WHRN: variants seen among roughly 807,000 people sequenced by gnomAD.
The protein encoded by WHRN is CASK-interacting protein CIP98.
A neutral mutation model predicts 68.3 loss-of-function variants in WHRN; 41 were observed. The observed-to-expected ratio is 0.60, with a 90% CI of 0.47 to 0.78. The LOEUF (loss-of-function observed/expected upper bound fraction) is 0.78. WHRN is among the 30% of genes least tolerant of loss of function. The probability of loss-of-function intolerance (pLI) is 0.00; values close to 1 mark genes in which losing one functional copy is unlikely to be tolerated. For synonymous variants in WHRN, 560 were observed against 561.3 expected (o/e 1.00, Z 0.03); for missense variants, 1,243 against 1,244.7 (o/e 1.00, Z 0.02).
rs1834862924 is a variant in WHRN, at chr9:114,404,106, A to G, written c.2237-29T>C. 3.7e-6 allele frequency: 6 copies of G among 1,605,978 alleles called. No homozygotes were observed. The East Asian group carries it at 1.3e-4, about 36-fold the overall frequency. On this transcript the variant is annotated intron_variant, in intron 9 of 11. Coordinates refer to ENST00000362057, the MANE Select transcript of WHRN (RefSeq NM_015404.4). The stretch of plus-strand genomic sequence containing the variant: ...GAGAGGGGAAAAGGAAGAGAGAAGC[A>G]GCTTATATAGCTGGGGTCAGGGAGG...
chr9:114,429,536 C>A (rs753382192), intron 3 of WHRN, among the ~76,000 whole-genome samples: 6 of 152,214 alleles, frequency 3.9e-5, no homozygotes, highest in Non-Finnish European at 5.9e-5. Flanking sequence ...ATGCCCCCAG[C>A]AATATCTGCA....
intron 1 of WHRN, among the ~76,000 whole-genome samples, chr9:114,501,709 A>G (rs1589282468): frequency 6.6e-6 from 1 of 152,324 alleles, no homozygotes; most frequent in South Asian, 2.1e-4. Flanking sequence ...GTGGTATCCT[A>G]GAATAAAATA....
intron 7 of WHRN, among the ~76,000 whole-genome samples, chr9:114,416,619 T>G (rs951977754): frequency 4.6e-5 from 7 of 152,126 alleles, no homozygotes; most frequent in African/African-American, 1.7e-4. Flanking sequence ...TCCCGAGGCC[T>G]CCCCAGCCAT....
chr9:114,467,985 T>G (rs1840872111), intron 2 of WHRN, among the ~76,000 whole-genome samples: 1 of 152,182 alleles, frequency 6.6e-6, no homozygotes, highest in Non-Finnish European at 1.5e-5. Flanking sequence ...CCAAGAGTTA[T>G]CAAGTGTTCT....
At chr9:114,430,758 G>A (rs1282846968) in intron 3 of WHRN, among the ~76,000 whole-genome samples, 1 of 152,192 alleles carries the variant, frequency 6.6e-6, no homozygotes, top group Non-Finnish European at 1.5e-5. Context: ...TGTGAAATGG[G>A]AGTCACACTT....
intron 10 of WHRN, 24 bp downstream of exon 10, chr9:114,403,872 T>C (rs1354273268): frequency 1.2e-6 from 2 of 1,608,948 alleles, no homozygotes; most frequent in African/African-American, 1.3e-5. Context: ...CTCAGCCCTC[T>C]GCATCCTCCT....
chr9:114,482,365 G>A (rs1198523900), intron 1 of WHRN, among the ~76,000 whole-genome samples: 6 of 152,230 alleles, frequency 3.9e-5, no homozygotes, highest in African/African-American at 1.2e-4. Flanking sequence ...AGGAGTGCAA[G>A]TGGAAAAATC....
chr9:114,495,718 G>GCA lies in WHRN; in HGVS notation c.618+8464_618+8465dup, dbSNP rs1447333414. 3.3e-5 allele frequency among the ~76,000 whole-genome samples: 5 copies of GCA among 152,282 alleles called. No homozygotes were observed. The East Asian group carries it at 9.7e-4, about 29-fold the overall frequency. ...AAAAATCTCAGGATTGGAAGGACTT[G>GCA]CAGGAGGAGAGGGGCTCAAGAGAGT... On this transcript the variant is annotated intron_variant, in intron 1 of 11. Coordinates refer to ENST00000362057, the MANE Select transcript of WHRN (RefSeq NM_015404.4).
At chr9:114,461,185 G>A (rs182210145) in intron 3 of WHRN, among the ~76,000 whole-genome samples, 11 of 152,246 alleles carry the variant, frequency 7.2e-5, no homozygotes, top group East Asian at 3.9e-4. Context: ...CCTTGTTTCC[G>A]AACGGAAATC....
chr9:114,404,533 G>GA (rs1834887367), intron 9 of WHRN, among the ~76,000 whole-genome samples: 1 of 152,148 alleles, frequency 6.6e-6, no homozygotes, highest in Admixed American at 6.5e-5. Flanking sequence ...CACCTAGCCT[G>GA]AACCCCTGCA....
chr9:114,423,443 C>T lies in WHRN; in HGVS notation c.1497G>A (p.Glu499=), dbSNP rs768028266. 6.2e-7 allele frequency: 1 copy of T among 1,614,108 alleles called. No individual in the cohort carries two copies. Among genetic ancestry groups the T allele is most frequent in the South Asian group, 1.1e-5 (1 of 91,074 alleles). ...ERFDHLVLRR[E]IESMKARQPP... ...GCTGCCGCGCCTTCATGGACTCAAT[C>T]TCACGCCTCAGCACCAGGTGGTCGA... The change falls in exon 7 of 12, where the codon GAG becomes GAA. Residue 499 remains glutamate (E), a synonymous_variant. Transcript: ENST00000362057.
At chr9:114,428,962 C>G (rs941394441) in intron 3 of WHRN, among the ~76,000 whole-genome samples, 4 of 151,940 alleles carry the variant, frequency 2.6e-5, no homozygotes, top group African/African-American at 9.7e-5. Context: ...ACTGAGTCTC[C>G]CTCTGTTGCC....
intron 7 of WHRN, among the ~76,000 whole-genome samples, chr9:114,421,754 G>A (rs919114651): frequency 6.6e-6 from 1 of 152,156 alleles, no homozygotes; most frequent in Non-Finnish European, 1.5e-5. Context: ...CAAAGTATGT[G>A]CTCAGAGCCT....
At chr9:114,467,348 A>T (rs964647565) in intron 2 of WHRN, among the ~76,000 whole-genome samples, 3 of 152,106 alleles carry the variant, frequency 2.0e-5, no homozygotes, top group Non-Finnish European at 4.4e-5. Context: ...CTAGTGGTAC[A>T]GACAGTCAAC....
chr9:114,409,294 G>A (rs1835260822), intron 7 of WHRN, among the ~76,000 whole-genome samples: 2 of 152,310 alleles, frequency 1.3e-5, no homozygotes, highest in South Asian at 2.1e-4. Context: ...GGGGTCAGTC[G>A]ACAAGCAAAC....
rs1835328313 is a variant in WHRN, at chr9:114,410,138, A to G, written c.1627-2120T>C. On this transcript the variant is annotated intron_variant, in intron 7 of 11. Transcript: ENST00000362057. Reference sequence around the variant, plus strand: ...GACCTCAGCGAGGCCCTCCCAGAGAAGCCCTGTCTAAAACAGTACTGCCCC... The same window carrying G: ...GACCTCAGCGAGGCCCTCCCAGAGAGGCCCTGTCTAAAACAGTACTGCCCC... 2.0e-5 allele frequency among the ~76,000 whole-genome samples: 3 copies of G among 152,126 alleles called. No homozygotes were observed. In the South Asian group the frequency reaches 6.2e-4, roughly 31 times the overall value.
At chr9:114,475,034 C>G (rs934306602) in intron 2 of WHRN, among the ~76,000 whole-genome samples, 6 of 152,092 alleles carry the variant, frequency 3.9e-5, no homozygotes, top group Admixed American at 3.9e-4. Context: ...GAAGAGGAAC[C>G]CTGGTGCACT....
At chr9:114,443,377 G>A (rs1053005801) in intron 3 of WHRN, among the ~76,000 whole-genome samples, 2 of 152,100 alleles carry the variant, frequency 1.3e-5, no homozygotes, top group Non-Finnish European at 2.9e-5. Flanking sequence ...GAGAGTCCGG[G>A]GGACAATCCA....
chr9:114,411,862 C>T (rs926153687), intron 7 of WHRN, among the ~76,000 whole-genome samples: 2 of 152,204 alleles, frequency 1.3e-5, no homozygotes, highest in African/African-American at 2.4e-5. Flanking sequence ...GTCACCCCAA[C>T]GCCCATACTA....
Sources: allele counts gnomAD v4.1 joint callset (sites outside exome capture counted in the v4.1 genomes callset), GRCh38; gene constraint gnomAD v4.1.1; transcripts MANE v1.5; gene names NCBI Gene and HGNC (gene_info 2026-07-23, HGNC 2026-07-21).